Variants in DUSP4 observed in about 807,000 individuals in gnomAD.
DUSP4 encodes the protein dual specificity protein phosphatase 4.
Under a neutral mutation model 27.2 loss-of-function variants are expected in DUSP4, and 12 were observed. The observed-to-expected ratio is 0.44, with a 90% CI of 0.28 to 0.71. DUSP4 has a LOEUF of 0.71. DUSP4 is among the 30% of genes least tolerant of loss of function. The pLI is 0.14. For missense variants in DUSP4, 448 were observed against 551.3 expected (o/e 0.81, Z 1.88); for synonymous variants, 257 against 245.2 (o/e 1.05, Z -0.45).
intron 2 of DUSP4, 61 bp from the exon 3 acceptor site, chr8:29,338,562 G>A: frequency 6.5e-7 from 1 of 1,539,066 alleles, no homozygotes; most frequent in Non-Finnish European, 8.8e-7. Flanking sequence ...TTGGCACAGG[G>A]AGTGGAAGCT....
intron 1 of DUSP4, among the ~76,000 whole-genome samples, chr8:29,343,084 C>T (rs1222387906): frequency 6.9e-6 from 1 of 144,372 alleles, no homozygotes; most frequent in Non-Finnish European, 1.5e-5. Context: ...AGGAGAATGG[C>T]GTGAACCTGG....
chr8:29,347,685 GGCCGACTACGAGAGGCA>G, intron 1 of DUSP4: 2 of 935,386 alleles, frequency 2.1e-6, no homozygotes, highest in Non-Finnish European at 2.5e-6. Context: ...CCCGCGTCGG[GGCCGACTACGAGAGGCA>G]GTGCAGGCTC....
In DUSP4 at chr8:29,335,783, C is replaced by G. The variant is rs1328149713; in HGVS notation, c.*1243G>C. ...GAAAATTTGAACTGCACCCAATTTT[C>G]CAGGAGCACCTTAGTGTAATATGGC... On this transcript the variant is annotated 3_prime_UTR_variant, in exon 4 of 4. Transcript: ENST00000240100. 1 of 152,224 alleles carries G rather than the reference C, an allele frequency of 6.6e-6. No homozygotes were observed. The highest frequency in any genetic ancestry group is 1.5e-5 in the Non-Finnish European group (1 of 68,038). 9.4% of individuals were successfully genotyped at this position (152,224 alleles called of 1,614,324 possible).
chr8:29,350,064 A>G lies in DUSP4; in HGVS notation c.215T>C (p.Ile72Thr). 1 of 1,603,394 alleles carries G rather than the reference A, an allele frequency of 6.2e-7. No homozygotes were observed. The highest frequency in any genetic ancestry group is 8.5e-7 in the Non-Finnish European group (1 of 1,176,310). ...LGSVNVRCNT[I>T]VRRRAKGSVS... ...GGAGCCCTTAGCCCGCCGCCGCACG[A>G]TGGTGTTACAGCGCACGTTGACCGA... is the stretch of plus-strand genomic sequence containing the variant. Residue 72 changes from isoleucine (I) to threonine (T), a missense_variant, in exon 1 of 4, where the codon ATC becomes ACC. This residue lies in a region of DUSP4 where 345 missense variants were observed against 394.0 expected (regional missense o/e 0.88). Transcript: ENST00000240100.
chr8:29,348,655 G>C, intron 1 of DUSP4: 10 of 985,460 alleles, frequency 1.0e-5, no homozygotes, highest in Non-Finnish European at 1.2e-5. Context: ...GCTTTTTGGA[G>C]GGGAGAGGTT....
In DUSP4 at chr8:29,347,794, G is replaced by T. The variant is rs769431146; in HGVS notation, c.433+2052C>A. The T allele has an allele frequency of 5.2e-4, 513 of 985,436 alleles. 1 individual carries two copies. The highest frequency in any genetic ancestry group is 5.9e-4 in the Non-Finnish European group (489 of 830,022). 61.0% of individuals were successfully genotyped at this position (985,436 alleles called of 1,614,324 possible). Reference sequence around the variant, plus strand: ...CACCAGAGGGCTGTCATTTTACCTAGAGGCCTGTACTACCCAGTCACTAGC... The same window carrying T: ...CACCAGAGGGCTGTCATTTTACCTATAGGCCTGTACTACCCAGTCACTAGC... On this transcript the variant is annotated intron_variant, in intron 1 of 3. Transcript: ENST00000240100.
chr8:29,337,001 T>C lies in DUSP4; in HGVS notation c.*25A>G. The C allele has an allele frequency of 6.4e-7, 1 of 1,559,608 alleles. No individual in the cohort carries two copies. On this transcript the variant is annotated 3_prime_UTR_variant, in exon 4 of 4. Coordinates refer to ENST00000240100, the MANE Select transcript of DUSP4 (RefSeq NM_001394.7). The surrounding 1 kb of genome is among the most constrained non-coding windows in gnomAD (Gnocchi z 6.4). ...TCCTACCCTTGCTGGGAGCCAGCTC[T>C]GGTTCTGGGGCCCCCAGGGCGGCTC...
chr8:29,338,242 C>T (rs369386350), intron 3 of DUSP4, 40 bp downstream of exon 3: 6 of 1,596,980 alleles, frequency 3.8e-6, no homozygotes, highest in South Asian at 2.2e-5. Flanking sequence ...CCTTCCCACC[C>T]GCCCTCAAAC....
intron 1 of DUSP4, chr8:29,348,717 G>C: frequency 3.0e-6 from 3 of 985,608 alleles, no homozygotes; most frequent in South Asian, 9.4e-5. Context: ...CGGAAGAGGA[G>C]CGGAAAGGAA....
At chr8:29,347,071 G>A (rs1333696327) in intron 1 of DUSP4, among the ~76,000 whole-genome samples, 1 of 152,118 alleles carries the variant, frequency 6.6e-6, no homozygotes, top group South Asian at 2.1e-4. Context: ...AATTACTCCA[G>A]TAGGAAACAA....
Position 29,336,656 on chromosome 8 carries a change from C to T in DUSP4, c.*370G>A. 1 of 184,982 alleles carries T rather than the reference C, an allele frequency of 5.4e-6. No individual in the cohort carries two copies. The highest frequency in any genetic ancestry group is 1.1e-5 in the Non-Finnish European group (1 of 89,550). The allele number at this position is 184,982 out of a possible 1,614,324, so 11.5% of individuals were successfully genotyped here. On this transcript the variant is annotated 3_prime_UTR_variant, in exon 4 of 4. Coordinates refer to ENST00000240100, the MANE Select transcript of DUSP4 (RefSeq NM_001394.7). ...CATCCCTTTGCCCTCCCTTCCTCCCCCTTTAGTAAAGCTGGTTGGGCACAT... is the reference window on the plus strand; with the variant it reads ...CATCCCTTTGCCCTCCCTTCCTCCCTCTTTAGTAAAGCTGGTTGGGCACAT...
rs1718726917 is a variant in DUSP4, at chr8:29,334,289, C to T, written c.*2737G>A. On this transcript the variant is annotated 3_prime_UTR_variant, in exon 4 of 4. Coordinates refer to ENST00000240100, the MANE Select transcript of DUSP4 (RefSeq NM_001394.7). ...AGGGATGGATGCCTGTTGAAACTCA[C>T]TGACCTATTGGACTGACGCTGGGGT... 2.0e-5 allele frequency: 3 copies of T among 152,258 alleles called. No homozygotes were observed. Among genetic ancestry groups the T allele is most frequent in the Admixed American group, 2.0e-4 (3 of 15,284 alleles). The allele number at this position is 152,258 out of a possible 1,614,324, so 9.4% of individuals were successfully genotyped here.
intron 1 of DUSP4, chr8:29,347,754 A>G: frequency 1.0e-6 from 1 of 985,522 alleles, no homozygotes; most frequent in African/African-American, 1.7e-5. Flanking sequence ...TATGTTGGCC[A>G]GGCACCTCGC....
At position 29,349,826 on chromosome 8, in the gene DUSP4, C is replaced by T; in HGVS notation, c.433+20G>A. 6.8e-7 allele frequency: 1 copy of T among 1,476,574 alleles called. No homozygotes were observed. The highest frequency in any genetic ancestry group is 8.9e-7 in the Non-Finnish European group (1 of 1,121,496). The allele number at this position is 1,476,574 out of a possible 1,614,324, so 91.5% of individuals were successfully genotyped here. On this transcript the variant is annotated intron_variant, in intron 1 of 3. Coordinates refer to ENST00000240100, the MANE Select transcript of DUSP4 (RefSeq NM_001394.7). The stretch of plus-strand genomic sequence containing the variant: ...CCTCCATCTCCCCGACTCCAGCTAG[C>T]GCCCGGAGCCCTCGTTTACCTTTGA...
At chr8:29,343,566 A>T (rs931051634) in intron 1 of DUSP4, among the ~76,000 whole-genome samples, 65 of 152,148 alleles carry the variant, frequency 4.3e-4, no homozygotes, top group Non-Finnish European at 8.4e-4. Context: ...TCCAGGGGGC[A>T]CTGCCTGCAG....
chr8:29,348,763 G>T (rs920688229), intron 1 of DUSP4: 12 of 985,406 alleles, frequency 1.2e-5, no homozygotes, highest in African/African-American at 1.7e-5. Flanking sequence ...GCCTGCGGGG[G>T]GGAGGAGCGG....
chr8:29,347,489 A>C (rs1451838043), intron 1 of DUSP4, among the ~76,000 whole-genome samples: 2 of 152,236 alleles, frequency 1.3e-5, no homozygotes, highest in African/African-American at 4.8e-5. Flanking sequence ...AGCAGGCTGG[A>C]AGATTCCCCC....
rs1817576048 is a variant in DUSP4, at chr8:29,336,574, AACG to A, written c.*449_*451del. ...AAAATGAAATTCCTTTAACTACAAC[AACG>A]ACAACAAAGGGACAAGTACACAGAA... On this transcript the variant is annotated 3_prime_UTR_variant, in exon 4 of 4. Coordinates refer to ENST00000240100, the MANE Select transcript of DUSP4 (RefSeq NM_001394.7). 1 of 156,466 alleles carries A rather than the reference AACG, an allele frequency of 6.4e-6. No homozygotes were observed. Among genetic ancestry groups the A allele is most frequent in the Non-Finnish European group, 1.4e-5 (1 of 70,986 alleles). The allele number at this position is 156,466 out of a possible 1,614,324, so 9.7% of individuals were successfully genotyped here.
rs1348403378 is a variant in DUSP4 at position 29,336,831 on chromosome 8, T to A, written c.*195A>T. The stretch of plus-strand genomic sequence containing the variant: ...CAGCCGTTATTGCTCTAAGTTGGAG[T>A]GTTCTGTTTGCTTTTATTATGTATT... On this transcript the variant is annotated 3_prime_UTR_variant, in exon 4 of 4. Transcript: ENST00000240100. 7.2e-6 allele frequency: 5 copies of A among 696,652 alleles called. No individual in the cohort carries two copies. Among genetic ancestry groups the A allele is most frequent in the Admixed American group, 3.6e-5 (1 of 27,708 alleles). 43.2% of individuals were successfully genotyped at this position (696,652 alleles called of 1,614,324 possible).
Sources: allele counts gnomAD v4.1 joint callset (sites outside exome capture counted in the v4.1 genomes callset), GRCh38; gene constraint gnomAD v4.1.1; regional missense constraint gnomAD v4.1.1; non-coding constraint Gnocchi (gnomAD v3.1); transcripts MANE v1.5; gene names NCBI Gene and HGNC (gene_info 2026-07-23, HGNC 2026-07-21).